Variants in DNAH17 observed in about 807,000 individuals in gnomAD.
DNAH17 encodes axonemal beta dynein heavy chain 17.
In DNAH17, 376 loss-of-function variants were observed where a neutral mutation model predicts 485.6. The ratio of observed to expected loss-of-function variants is 0.77; its 90% CI spans 0.71 to 0.84. The LOEUF is 0.84. Ranked by LOEUF, DNAH17 falls within the 40% of genes least tolerant of loss-of-function variation. The pLI is 0.00. For synonymous variants in DNAH17, 3,031 were observed against 2,405.9 expected (o/e 1.26, Z -7.60); for missense variants, 6,370 against 5,839.3 (o/e 1.09, Z -2.96).
chr17:78,428,350 C>T lies in DNAH17; in HGVS notation c.12588+175G>A, dbSNP rs1349358803. ...AGCCTGCAGCTGCCACGTCTGAGGA[C>T]CTGCTGACCAGCCTGCGGGCCATAC... On this transcript the variant is annotated intron_variant, in intron 77 of 80. Coordinates refer to ENST00000389840, the MANE Select transcript of DNAH17 (RefSeq NM_173628.4). The T allele has an allele frequency of 6.7e-6, 5 of 749,792 alleles. No homozygotes were observed. In the African/African-American group the frequency reaches 8.6e-5, roughly 13 times the overall value. 46.4% of individuals were successfully genotyped at this position (749,792 alleles called of 1,614,324 possible). A position where few individuals can be genotyped will look rare whatever the true frequency, so the allele number is the denominator to read the frequency against.
At chr17:78,525,283 G>T in intron 24 of DNAH17, 122 bp from the exon 25 acceptor site, 1 of 1,390,340 alleles carries the variant, frequency 7.2e-7, no homozygotes, top group Non-Finnish European at 9.6e-7. Context: ...GGGAGGAGGT[G>T]TCCATACAAC....
At chr17:78,506,593 C>T (rs1002697687) in intron 30 of DNAH17, 127 bp downstream of exon 30, 10 of 1,381,878 alleles carry the variant, frequency 7.2e-6, no homozygotes, top group Middle Eastern at 2.6e-4. Context: ...GTGCAGAGGG[C>T]CTCCTGGAGA....
At chr17:78,458,524 G>A (rs1441256916) in intron 62 of DNAH17, 41 bp downstream of exon 62, 1 of 1,541,792 alleles carries the variant, frequency 6.5e-7, no homozygotes. Flanking sequence ...CCTTTCAGGG[G>A]GTCTGAGAGC....
In DNAH17 at chr17:78,537,408, T is replaced by G; in HGVS notation, c.2750A>C (p.Glu917Ala). 6.2e-7 allele frequency: 1 copy of G among 1,613,248 alleles called. No homozygotes were observed. Among genetic ancestry groups the G allele is most frequent in the Non-Finnish European group, 8.5e-7 (1 of 1,179,798 alleles). Residue 917 changes from glutamate to alanine, a missense_variant, in exon 19 of 81, where the codon GAG (glutamate) becomes GCG (alanine). By Grantham distance (107) the Glu-to-Ala change is moderately radical. Transcript: ENST00000389840. The stretch of plus-strand genomic sequence containing the variant: ...CAGGAAGCCGCGATCTGAGCCCACC[T>G]CCAGGGTCGGGTTGAAGGTCAGCCC... ...EDGLTFNPTL[E>A]VGSDRGFLAL... is the part of the protein sequence containing the mutation.
chr17:78,527,030 C>T, intron 22 of DNAH17, 34 bp from the exon 23 acceptor site: 1 of 1,493,434 alleles, frequency 6.7e-7, no homozygotes, highest in Non-Finnish European at 9.0e-7. Flanking sequence ...GGGCTCCTTT[C>T]TCATTTCTTT....
At position 78,504,071 on chromosome 17, in the gene DNAH17, A is replaced by AT. The variant is rs979845041; in HGVS notation, c.4957-1061dup. On this transcript the variant is annotated intron_variant, in intron 31 of 80. Coordinates refer to ENST00000389840, the MANE Select transcript of DNAH17 (RefSeq NM_173628.4). ...AACCCTCAAGTGGACATGAGGGTAGATTTTTTTTTTTGGAGATGAAGTCTC... is the reference window on the plus strand; with the variant it reads ...AACCCTCAAGTGGACATGAGGGTAGATTTTTTTTTTTTGGAGATGAAGTCTC... 4.0e-3 allele frequency among the ~76,000 whole-genome samples: 590 copies of AT among 146,238 alleles called. 3 individuals are homozygous for AT. The highest frequency in any genetic ancestry group is 6.9e-3 in the Middle Eastern group (2 of 288).
At position 78,574,742 on chromosome 17, in the gene DNAH17, C is replaced by G. The variant is rs749819405; in HGVS notation, c.316G>C (p.Val106Leu). 1 of 1,611,784 alleles carries G rather than the reference C, an allele frequency of 6.2e-7. No homozygotes were observed. The highest frequency in any genetic ancestry group is 2.2e-5 in the East Asian group (1 of 44,852). The change falls in exon 2 of 81, where the codon GTG becomes CTG. Residue 106 changes from valine to leucine, a missense_variant. Transcript: ENST00000389840. ...TCCACCACCGCGATCAGCTGGTCCA[C>G]GGGTGTGGGGCTGATGTCGCCGTAA... is the stretch of plus-strand genomic sequence containing the variant. ...LLYGDISPTP[V>L]DQLIAVVEEV...
At chr17:78,463,743 C>T (rs148146055) in intron 56 of DNAH17, among the ~76,000 whole-genome samples, 4 of 152,236 alleles carry the variant, frequency 2.6e-5, no homozygotes, top group South Asian at 2.1e-4. Flanking sequence ...CCCCAGCCCT[C>T]TGGGCCTGCC....
Position 78,552,732 on chromosome 17 carries a change from A to G in DNAH17, c.2252T>C (p.Leu751Ser). 2 of 1,613,954 alleles carry G rather than the reference A, an allele frequency of 1.2e-6. No individual in the cohort carries two copies. Among genetic ancestry groups the G allele is most frequent in the South Asian group, 1.1e-5 (1 of 91,080 alleles). The change falls in exon 15 of 81, where the codon TTG becomes TCG. Residue 751 changes from leucine to serine, a missense_variant. Coordinates refer to ENST00000389840, the MANE Select transcript of DNAH17 (RefSeq NM_173628.4). ...CCAGAATAATGTCGTTTCAGCGCTC[A>G]ATAACTTGACATCAATTGCTTCCAG... ...SELEAIDVKL[L>S]SAETTLFWNG... is the part of the protein sequence containing the mutation.
chr17:78,454,766 T>C (rs1039451531), intron 63 of DNAH17, 61 bp from the exon 64 acceptor site: 11 of 1,424,292 alleles, frequency 7.7e-6, no homozygotes, highest in Admixed American at 1.8e-5. Flanking sequence ...TACTAGAAAA[T>C]AGCTCTCCAA....
intron 11 of DNAH17, among the ~76,000 whole-genome samples, chr17:78,564,312 G>A (rs1199886538): frequency 3.3e-5 from 5 of 152,138 alleles, no homozygotes; most frequent in African/African-American, 1.2e-4. Flanking sequence ...CCATGTTGGG[G>A]ACAGCAAGAC....
At chr17:78,542,199 A>G (rs908101720) in intron 17 of DNAH17, among the ~76,000 whole-genome samples, 2 of 149,586 alleles carry the variant, frequency 1.3e-5, no homozygotes, top group Non-Finnish European at 3.0e-5. Flanking sequence ...CCAGGCTGGA[A>G]TGCAGTGGTG....
intron 3 of DNAH17, 33 bp downstream of exon 3, chr17:78,572,668 C>A: frequency 6.4e-7 from 1 of 1,554,106 alleles, no homozygotes. Context: ...CTTCCCCACC[C>A]AGCGGCAGCC....
At chr17:78,481,747 G>C (rs2089359055) in intron 48 of DNAH17, among the ~76,000 whole-genome samples, 1 of 152,166 alleles carries the variant, frequency 6.6e-6, no homozygotes, top group Non-Finnish European at 1.5e-5. Flanking sequence ...AGGCACAGTG[G>C]CTCATGCCTG....
intron 14 of DNAH17, among the ~76,000 whole-genome samples, chr17:78,557,603 C>T (rs1345367037): frequency 7.6e-6 from 1 of 131,814 alleles, no homozygotes; most frequent in African/African-American, 2.9e-5. Flanking sequence ...TGTGCCACTG[C>T]ACTCCAGCCT....
chr17:78,476,680 G>A lies in DNAH17; in HGVS notation c.8046C>T (p.Arg2682=), dbSNP rs1316379598. Residue 2682 remains arginine (R), a synonymous_variant, in exon 52 of 81, where the codon CGC becomes CGT. Coordinates refer to ENST00000389840, the MANE Select transcript of DNAH17 (RefSeq NM_173628.4). ...CTCGTTCAGTCTCATGTAGCCAAAG[G>A]CGGACGAGGTCCAGTGGGGTTTTCA... ...EVLKTPLDLV[R]LWLHETERVY... 1 of 1,613,104 alleles carries A rather than the reference G, an allele frequency of 6.2e-7. No individual in the cohort carries two copies. Among genetic ancestry groups the A allele is most frequent in the Admixed American group, 1.7e-5 (1 of 59,900 alleles).
Position 78,543,857 on chromosome 17 carries a change from T to TGCAA in DNAH17, c.2528_2531dup (p.Glu845CysfsTer24). 2 of 1,614,040 alleles carry TGCAA rather than the reference T, an allele frequency of 1.2e-6. No individual in the cohort carries two copies. The highest frequency in any genetic ancestry group is 1.7e-6 in the Non-Finnish European group (2 of 1,179,896). On this transcript the variant is annotated frameshift_variant and splice_region_variant, in exon 17 of 81. Transcript: ENST00000389840. LOFTEE classifies it high-confidence loss of function. ...AAAAACCTCCTGGGTGTTTCCTTAC[T>TGCAA]GCAACCATGGCTTGGATCTTCACTC... is the stretch of plus-strand genomic sequence containing the variant.
In DNAH17 at chr17:78,529,456, C is replaced by T. The variant is rs1367282173; in HGVS notation, c.3507+16G>A. Reference sequence around the variant, plus strand: ...CCCTGCTCACCTGGACGCAGCCACACCCACCCACCACGTACCTGCAGCTTC... The same window carrying T: ...CCCTGCTCACCTGGACGCAGCCACATCCACCCACCACGTACCTGCAGCTTC... On this transcript the variant is annotated intron_variant, in intron 22 of 80. Transcript: ENST00000389840. 5.6e-6 allele frequency: 9 copies of T among 1,612,732 alleles called. No individual in the cohort carries two copies. Among genetic ancestry groups the T allele is most frequent in the Non-Finnish European group, 6.8e-6 (8 of 1,178,956 alleles).
intron 12 of DNAH17, among the ~76,000 whole-genome samples, chr17:78,561,137 G>C (rs1454983823): frequency 1.3e-5 from 2 of 152,090 alleles, no homozygotes; most frequent in African/African-American, 4.8e-5. Context: ...GCAGCCACCA[G>C]CCCAGGAGGC....
Sources: allele counts gnomAD v4.1 joint callset (sites outside exome capture counted in the v4.1 genomes callset), GRCh38; gene constraint gnomAD v4.1.1; transcripts MANE v1.5; gene names NCBI Gene and HGNC (gene_info 2026-07-23, HGNC 2026-07-21).